The following IMMP2L variants were observed in gnomAD, a reference collection of about 807,000 sequenced individuals.
IMMP2L encodes the protein mitochondrial inner membrane protease subunit 2.
IMMP2L carries 18 observed loss-of-function variants against 19.3 expected under a neutral mutation model. That is an observed-to-expected ratio of 0.93 (90% CI 0.64 to 1.38). The LOEUF (loss-of-function observed/expected upper bound fraction) is 1.38, where lower values mean the gene tolerates loss of function less well. Ranked by LOEUF, IMMP2L falls within the 40% of genes most tolerant of loss-of-function variation. IMMP2L has a pLI of 0.00. For missense variants in IMMP2L, 233 were observed against 218.2 expected (o/e 1.07, Z -0.43); for synonymous variants, 76 against 73.0 (o/e 1.04, Z -0.21).
intron 3 of IMMP2L, among the ~76,000 whole-genome samples, chr7:111,134,075 G>A (rs533590824): frequency 2.6e-4 from 40 of 151,950 alleles, no homozygotes; most frequent in Non-Finnish European, 5.2e-4. Context: ...AATTGTGATT[G>A]ATGTCTTTGA....
At chr7:111,481,107 A>G (rs1842145956) in intron 3 of IMMP2L, among the ~76,000 whole-genome samples, 1 of 152,186 alleles carries the variant, frequency 6.6e-6, no homozygotes, top group East Asian at 1.9e-4. Context: ...TGAGTTTAGC[A>G]TGACAAAAAC....
At chr7:110,872,011 A>C (rs1002192061) in intron 5 of IMMP2L, among the ~76,000 whole-genome samples, 1 of 152,098 alleles carries the variant, frequency 6.6e-6, no homozygotes, top group Non-Finnish European at 1.5e-5. Context: ...AGGATCACTT[A>C]TCTCTCCTCC....
chr7:111,310,143 G>A (rs1373812819), intron 3 of IMMP2L, among the ~76,000 whole-genome samples: 3 of 151,414 alleles, frequency 2.0e-5, no homozygotes, highest in African/African-American at 7.3e-5. Flanking sequence ...GCTGAGGCAG[G>A]AGAATCGCTT....
intron 3 of IMMP2L, among the ~76,000 whole-genome samples, chr7:111,446,016 C>T (rs1042390145): frequency 2.0e-5 from 3 of 151,950 alleles, no homozygotes; most frequent in African/African-American, 7.3e-5. Context: ...AGAAACGGCG[C>T]ACCACGAGAC....
intron 5 of IMMP2L, among the ~76,000 whole-genome samples, chr7:110,764,052 C>G (rs142504519): frequency 1.7e-3 from 251 of 152,088 alleles, no homozygotes; most frequent in African/African-American, 5.2e-3. Flanking sequence ...TTCACAGAAG[C>G]CTTAAATGAA....
chr7:111,175,478 A>G (rs896398541), intron 3 of IMMP2L, among the ~76,000 whole-genome samples: 1 of 151,974 alleles, frequency 6.6e-6, no homozygotes, highest in African/African-American at 2.4e-5. Flanking sequence ...GTTTATGCAA[A>G]AATACATATT....
chr7:110,820,565 C>G (rs890594193), intron 5 of IMMP2L, among the ~76,000 whole-genome samples: 3 of 151,802 alleles, frequency 2.0e-5, no homozygotes, highest in Non-Finnish European at 4.4e-5. Flanking sequence ...TTATCTGACA[C>G]ACACACACAC....
chr7:111,174,014 C>T (rs938647409), intron 3 of IMMP2L, among the ~76,000 whole-genome samples: 1 of 151,702 alleles, frequency 6.6e-6, no homozygotes, highest in African/African-American at 2.4e-5. Flanking sequence ...TGAGCCTCCT[C>T]ATGGGCATCT....
At chr7:111,116,696 T>C (rs1267625449) in intron 3 of IMMP2L, among the ~76,000 whole-genome samples, 1 of 152,186 alleles carries the variant, frequency 6.6e-6, no homozygotes, top group Non-Finnish European at 1.5e-5. Flanking sequence ...AAACAGTTTT[T>C]ATTTTATTCC....
chr7:110,800,281 T>C (rs1364467329), intron 5 of IMMP2L, among the ~76,000 whole-genome samples: 1 of 152,002 alleles, frequency 6.6e-6, no homozygotes, highest in Non-Finnish European at 1.5e-5. Flanking sequence ...AGAAATACTT[T>C]GAGAATGAAT....
At chr7:110,854,218 A>T (rs1806522725) in intron 5 of IMMP2L, among the ~76,000 whole-genome samples, 3 of 152,050 alleles carry the variant, frequency 2.0e-5, no homozygotes, top group South Asian at 4.1e-4. Flanking sequence ...TCCACTTAAC[A>T]TATTTATATT....
chr7:110,802,038 C>T (rs1801285768), intron 5 of IMMP2L, among the ~76,000 whole-genome samples: 3 of 152,046 alleles, frequency 2.0e-5, no homozygotes, highest in Admixed American at 1.3e-4. Context: ...CCGGGGCATA[C>T]ACCTGTACCC....
At chr7:111,396,545 T>C (rs374464164) in intron 3 of IMMP2L, among the ~76,000 whole-genome samples, 8 of 152,046 alleles carry the variant, frequency 5.3e-5, no homozygotes, top group African/African-American at 1.4e-4. Context: ...AAATACCTAA[T>C]GCATGCAGGG....
chr7:111,308,762 T>C (rs1584551472), intron 3 of IMMP2L, among the ~76,000 whole-genome samples: 1 of 152,048 alleles, frequency 6.6e-6, no homozygotes, highest in Non-Finnish European at 1.5e-5. Context: ...TCTTCAATAA[T>C]AATTTAACTT....
At chr7:110,801,980 A>T (rs1019884731) in intron 5 of IMMP2L, among the ~76,000 whole-genome samples, 3 of 152,092 alleles carry the variant, frequency 2.0e-5, no homozygotes, top group African/African-American at 7.2e-5. Context: ...TCCATATGAC[A>T]GTGAAGATCA....
intron 5 of IMMP2L, among the ~76,000 whole-genome samples, chr7:110,752,055 A>G (rs1797754961): frequency 1.3e-5 from 2 of 151,794 alleles, no homozygotes; most frequent in Non-Finnish European, 2.9e-5. Context: ...TTAGGAAAAA[A>G]CCCCTGTGAT....
intron 3 of IMMP2L, among the ~76,000 whole-genome samples, chr7:111,088,336 T>C (rs1796531346): frequency 6.6e-6 from 1 of 152,186 alleles, no homozygotes; most frequent in Non-Finnish European, 1.5e-5. Flanking sequence ...AGTATTCATC[T>C]AGGAAACCCT....
chr7:110,842,465 C>T (rs143358621), intron 5 of IMMP2L, among the ~76,000 whole-genome samples: 1 of 152,236 alleles, frequency 6.6e-6, no homozygotes, highest in Non-Finnish European at 1.5e-5. Context: ...CTCGGAAGGC[C>T]TGGGGCTGGC....
At chr7:110,819,572 A>G (rs1208291612) in intron 5 of IMMP2L, among the ~76,000 whole-genome samples, 1 of 152,050 alleles carries the variant, frequency 6.6e-6, no homozygotes, top group Admixed American at 6.6e-5. Context: ...ACAAAGTTCC[A>G]AAAACCATGA....
Sources: allele counts gnomAD v4.1 joint callset (sites outside exome capture counted in the v4.1 genomes callset), GRCh38; gene constraint gnomAD v4.1.1; transcripts MANE v1.5; gene names NCBI Gene and HGNC (gene_info 2026-07-23, HGNC 2026-07-21).